Variants in QPCTL observed in about 807,000 individuals in gnomAD.
QPCTL encodes glutaminyl-peptide cyclotransferase like.
Under a neutral mutation model 34.6 loss-of-function variants are expected in QPCTL, and 31 were observed. That is an observed-to-expected ratio of 0.90 (90% CI 0.67 to 1.21). QPCTL has a LOEUF of 1.21. Ranked by LOEUF, QPCTL falls within the 50% of genes most tolerant of loss-of-function variation. QPCTL has a pLI of 0.00. For synonymous variants in QPCTL, 223 were observed against 226.9 expected (o/e 0.98, Z 0.15); for missense variants, 474 against 507.8 (o/e 0.93, Z 0.64).
At position 45,695,560 on chromosome 19, in the gene QPCTL, G is replaced by GCTGC; in HGVS notation, c.477_480dup (p.Arg161CysfsTer11). On this transcript the variant is annotated frameshift_variant, in exon 3 of 7. Coordinates refer to ENST00000012049, the MANE Select transcript of QPCTL (RefSeq NM_017659.4). LOFTEE classifies it high-confidence loss of function. ...TGTGGTGGCCACACTGGACCCAAGG[G>GCTGC]CTGCCCGTCACCTCACCCTTGCCTG... is the stretch of plus-strand genomic sequence containing the variant. The GCTGC allele has an allele frequency of 6.2e-7, 1 of 1,614,058 alleles. No individual in the cohort carries two copies. Among genetic ancestry groups the GCTGC allele is most frequent in the Non-Finnish European group, 8.5e-7 (1 of 1,179,988 alleles).
chr19:45,700,917 C>T (rs1185216552), intron 5 of QPCTL, among the ~76,000 whole-genome samples: 1 of 146,410 alleles, frequency 6.8e-6, no homozygotes, highest in Non-Finnish European at 1.5e-5. Context: ...CGAGATTGTG[C>T]TACTGCACTC....
At chr19:45,702,361 G>C (rs1276216386) in intron 6 of QPCTL, among the ~76,000 whole-genome samples, 2 of 151,862 alleles carry the variant, frequency 1.3e-5, no homozygotes, top group Non-Finnish European at 2.9e-5. Flanking sequence ...TACTCGAGAG[G>C]CTGAAGTGGG....
At chr19:45,698,767 C>T in intron 4 of QPCTL, 34 bp from the exon 5 acceptor site, 1 of 1,613,330 alleles carries the variant, frequency 6.2e-7, no homozygotes, top group South Asian at 1.1e-5. Flanking sequence ...CGTCATCCTG[C>T]ACGGGCCCCT....
At chr19:45,700,497 C>T (rs1967789068) in intron 5 of QPCTL, among the ~76,000 whole-genome samples, 1 of 152,012 alleles carries the variant, frequency 6.6e-6, no homozygotes, top group Admixed American at 6.6e-5. Context: ...AATAAAGGCT[C>T]ACCCAGCCTT....
chr19:45,701,714 T>G, intron 5 of QPCTL, 84 bp from the exon 6 acceptor site: 1 of 1,022,370 alleles, frequency 9.8e-7, no homozygotes, highest in Non-Finnish European at 1.5e-6. Context: ...TGTCTCTGGG[T>G]GCTCTGCCTT....
chr19:45,694,106 G>A (rs757557602), intron 2 of QPCTL, among the ~76,000 whole-genome samples: 1 of 152,174 alleles, frequency 6.6e-6, no homozygotes, highest in South Asian at 2.1e-4. Context: ...AAGGCCAGGC[G>A]CAGTGGTTCA....
At position 45,693,521 on chromosome 19, in the gene QPCTL, A is replaced by G. The variant is rs1600336724; in HGVS notation, c.316A>G (p.Thr106Ala). Residue 106 changes from threonine (T) to alanine (A), a missense_variant, in exon 2 of 7, where the codon ACC becomes GCC. Physicochemically the swap from Thr to Ala is moderately conservative, Grantham distance 58. Coordinates refer to ENST00000012049, the MANE Select transcript of QPCTL (RefSeq NM_017659.4). ...TYLRPLLVVR[T>A]PGSPGNLQVR... is the part of the protein sequence containing the mutation. ...TCTGCGCCCCCTGCTGGTTGTGCGAACCCCGGGCAGCCCGGGAAATCTCCA... is the reference window on the plus strand; with the variant it reads ...TCTGCGCCCCCTGCTGGTTGTGCGAGCCCCGGGCAGCCCGGGAAATCTCCA... The G allele has an allele frequency of 1.2e-6, 2 of 1,611,994 alleles. No homozygotes were observed. Among genetic ancestry groups the G allele is most frequent in the Non-Finnish European group, 1.7e-6 (2 of 1,178,986 alleles).
At chr19:45,699,031 CTTTTTTT>C (rs563977852) in intron 5 of QPCTL, 131 bp downstream of exon 5, 10 of 332,002 alleles carry the variant, frequency 3.0e-5, no homozygotes, top group Non-Finnish European at 3.7e-5. Context: ...GAGACCCCAT[CTTTTTTT>C]TTTTTTTTTT....
At chr19:45,693,142 C>T (rs1405104020) in intron 1 of QPCTL, among the ~76,000 whole-genome samples, 1 of 152,078 alleles carries the variant, frequency 6.6e-6, no homozygotes, top group Non-Finnish European at 1.5e-5. Context: ...GGGTTCTACG[C>T]CTTTAGTCAA....
chr19:45,693,187 T>C (rs930648431), intron 1 of QPCTL, among the ~76,000 whole-genome samples: 1 of 152,056 alleles, frequency 6.6e-6, no homozygotes, highest in Non-Finnish European at 1.5e-5. Flanking sequence ...ATCTCCCCTC[T>C]CTCTCACTGG....
At chr19:45,701,575 C>T (rs1335223811) in intron 5 of QPCTL, among the ~76,000 whole-genome samples, 1 of 152,092 alleles carries the variant, frequency 6.6e-6, no homozygotes, top group Admixed American at 6.6e-5. Context: ...CACACCAGGC[C>T]ACAAGATCTT....
intron 6 of QPCTL, 79 bp downstream of exon 6, chr19:45,701,993 G>T: frequency 6.7e-6 from 8 of 1,193,298 alleles, no homozygotes; most frequent in Non-Finnish European, 9.8e-6. Context: ...CCTTCCCAGG[G>T]CTGGGGAATG....
intron 5 of QPCTL, among the ~76,000 whole-genome samples, chr19:45,699,159 G>T (rs1052167907): frequency 6.8e-6 from 1 of 147,770 alleles, no homozygotes; most frequent in Non-Finnish European, 1.5e-5. Context: ...TCAGCCTCCC[G>T]AGTAGCTGGG....
At chr19:45,693,587 C>G (rs147037295) in intron 2 of QPCTL, 31 bp downstream of exon 2, 1 of 1,568,210 alleles carries the variant, frequency 6.4e-7, no homozygotes, top group Non-Finnish European at 8.7e-7. Context: ...TCCCTGACCC[C>G]CTAGCCCTCC....
chr19:45,703,008 C>T lies in QPCTL; in HGVS notation c.1108C>T (p.Arg370Cys), dbSNP rs940100232. Residue 370 changes from arginine (R) to cysteine (C), a missense_variant, in exon 7 of 7, where the codon CGC becomes TGC. Transcript: ENST00000012049. ...CCCACCCACGGTACACAACTTGTGCCGCATTCTCGCTGTGTTCCTGGCTGA... is the reference window on the plus strand; with the variant it reads ...CCCACCCACGGTACACAACTTGTGCTGCATTCTCGCTGTGTTCCTGGCTGA... The part of the protein sequence containing the change: ...LHPPTVHNLC[R>C]ILAVFLAEYL... 20 of 1,614,006 alleles carry T rather than the reference C, an allele frequency of 1.2e-5. No individual in the cohort carries two copies. Among genetic ancestry groups the T allele is most frequent in the Admixed American group, 6.7e-5 (4 of 59,986 alleles).
chr19:45,695,152 AG>A (rs946572183), intron 2 of QPCTL, among the ~76,000 whole-genome samples: 1 of 151,854 alleles, frequency 6.6e-6, no homozygotes, highest in African/African-American at 2.4e-5. Flanking sequence ...CAGGCGTTGT[AG>A]GGGGCGCCTG....
intron 5 of QPCTL, among the ~76,000 whole-genome samples, chr19:45,700,924 A>C (rs1193319223): frequency 7.0e-6 from 1 of 142,068 alleles, no homozygotes; most frequent in Non-Finnish European, 1.5e-5. Context: ...GTGCTACTGC[A>C]CTCCAGCCTG....
intron 3 of QPCTL, among the ~76,000 whole-genome samples, chr19:45,697,847 G>A (rs1287561215): frequency 6.6e-6 from 1 of 152,108 alleles, no homozygotes; most frequent in Non-Finnish European, 1.5e-5. Context: ...GATCTATCTG[G>A]TTCACCAAAC....
chr19:45,694,735 C>T (rs919027702), intron 2 of QPCTL, among the ~76,000 whole-genome samples: 7 of 152,120 alleles, frequency 4.6e-5, no homozygotes, highest in Admixed American at 3.3e-4. Context: ...TCCCAAAGTG[C>T]TGGGATTACA....
Sources: allele counts gnomAD v4.1 joint callset (sites outside exome capture counted in the v4.1 genomes callset), GRCh38; gene constraint gnomAD v4.1.1; transcripts MANE v1.5; gene names NCBI Gene and HGNC (gene_info 2026-07-23, HGNC 2026-07-21).